MYO9A: variants seen among roughly 807,000 people sequenced by gnomAD.
MYO9A encodes the protein myosin IXA.
A neutral mutation model predicts 293.3 loss-of-function variants in MYO9A; 103 were observed. That is an observed-to-expected ratio of 0.35 (90% CI 0.30 to 0.41). The LOEUF (loss-of-function observed/expected upper bound fraction) is 0.41, where lower values mean the gene tolerates loss of function less well. Among genes scored for constraint, MYO9A ranks in the 10% least tolerant of loss-of-function variants. The pLI is 1.00. For missense variants in MYO9A, 2,685 were observed against 3,033.0 expected (o/e 0.89, Z 2.69); for synonymous variants, 1,001 against 1,035.7 (o/e 0.97, Z 0.64).
chr15:71,991,485 A>C (rs559046759), intron 10 of MYO9A, among the ~76,000 whole-genome samples: 1 of 152,210 alleles, frequency 6.6e-6, no homozygotes, highest in African/African-American at 2.4e-5. Context: ...AAATATGTGA[A>C]GCAAGGTTAG....
chr15:72,045,593 G>GGAACAGTAT, intron 2 of MYO9A, 131 bp downstream of exon 2: 1 of 1,061,312 alleles, frequency 9.4e-7, no homozygotes, highest in South Asian at 2.0e-5. Flanking sequence ...GCTGGGAGAT[G>GGAACAGTAT]GAACAGTATC....
At chr15:72,111,527 G>A (rs1478382356) in intron 1 of MYO9A, among the ~76,000 whole-genome samples, 7 of 151,390 alleles carry the variant, frequency 4.6e-5, no homozygotes, top group African/African-American at 7.3e-5. Flanking sequence ...GGAAATAGAC[G>A]TATTCAAGAG....
chr15:71,996,551 G>A (rs1157658074), intron 9 of MYO9A, among the ~76,000 whole-genome samples: 2 of 152,078 alleles, frequency 1.3e-5, no homozygotes, highest in African/African-American at 4.8e-5. Flanking sequence ...CTCATTTAGT[G>A]TTTCCTATGT....
chr15:71,936,322 G>A (rs1164097946), intron 16 of MYO9A, among the ~76,000 whole-genome samples: 1 of 152,130 alleles, frequency 6.6e-6, no homozygotes, highest in Non-Finnish European at 1.5e-5. Context: ...AAAAGGTAAT[G>A]AGGTGGAGGG....
At chr15:71,964,002 T>C (rs1263565978) in intron 13 of MYO9A, among the ~76,000 whole-genome samples, 3 of 152,208 alleles carry the variant, frequency 2.0e-5, no homozygotes, top group Admixed American at 6.5e-5. Flanking sequence ...TATTCTGGTG[T>C]TAGTTTTGGT....
At chr15:71,979,251 C>A (rs889784498) in intron 11 of MYO9A, among the ~76,000 whole-genome samples, 63 of 152,234 alleles carry the variant, frequency 4.1e-4, no homozygotes, top group African/African-American at 1.5e-3. Context: ...TAATTCTTTT[C>A]TTTTAATTAA....
At chr15:71,928,548 A>G (rs1237477800) in intron 18 of MYO9A, among the ~76,000 whole-genome samples, 2 of 152,076 alleles carry the variant, frequency 1.3e-5, no homozygotes, top group African/African-American at 4.8e-5. Flanking sequence ...AGATTTTAAC[A>G]ATATTAATTT....
chr15:72,055,485 TA>T (rs1365471812), intron 1 of MYO9A, among the ~76,000 whole-genome samples: 1 of 152,110 alleles, frequency 6.6e-6, no homozygotes, highest in Non-Finnish European at 1.5e-5. Flanking sequence ...GGGACTTAAT[TA>T]AAGAGCCTTT....
intron 2 of MYO9A, chr15:72,036,814 T>C: frequency 6.6e-6 from 1 of 152,114 alleles, no homozygotes; most frequent in Admixed American, 6.6e-5. Context: ...CTCCAGGACT[T>C]AAGCAATCCT....
intron 16 of MYO9A, among the ~76,000 whole-genome samples, chr15:71,938,106 TA>T (rs2058684589): frequency 6.6e-6 from 1 of 152,056 alleles, no homozygotes; most frequent in South Asian, 2.1e-4. Flanking sequence ...AAATAAGCAA[TA>T]AAGAGTCATG....
chr15:71,898,564 T>C lies in MYO9A; in HGVS notation c.3939A>G (p.Glu1313=). 6.2e-7 allele frequency: 1 copy of C among 1,614,114 alleles called. No homozygotes were observed. Among genetic ancestry groups the C allele is most frequent in the Non-Finnish European group, 8.5e-7 (1 of 1,180,032 alleles). The change falls in exon 25 of 42, where the codon GAA becomes GAG. Residue 1313 remains glutamate (E), a synonymous_variant. Coordinates refer to ENST00000356056, the MANE Select transcript of MYO9A (RefSeq NM_006901.4). Reference sequence around the variant, plus strand: ...GTGTACCCCGTGGAGACTGAAGGCCTTCAGGCACCAATTCTGTAGACCATC... The same window carrying C: ...GTGTACCCCGTGGAGACTGAAGGCCCTCAGGCACCAATTCTGTAGACCATC... ...DRRWSTELVP[E]GLQSPRGTPD...
chr15:71,935,216 G>A, intron 17 of MYO9A, 125 bp downstream of exon 17: 2 of 1,045,948 alleles, frequency 1.9e-6, no homozygotes, highest in Admixed American at 2.7e-5. Context: ...TCTTGTTTCA[G>A]TCAAAATTCT....
chr15:72,034,623 G>GT (rs2077985883), intron 2 of MYO9A, among the ~76,000 whole-genome samples: 1 of 152,140 alleles, frequency 6.6e-6, no homozygotes, highest in Non-Finnish European at 1.5e-5. Context: ...ACCATAGAAA[G>GT]TTTTTTACAA....
chr15:71,853,091 CTGAA>C (rs71131711), intron 35 of MYO9A, among the ~76,000 whole-genome samples: 38 of 151,486 alleles, frequency 2.5e-4, no homozygotes, highest in Admixed American at 1.3e-3. Context: ...AAGACTGTCT[CTGAA>C]TGAATGAATG....
chr15:71,848,544 G>A (rs1184371525), intron 39 of MYO9A, among the ~76,000 whole-genome samples: 2 of 151,962 alleles, frequency 1.3e-5, no homozygotes, highest in East Asian at 1.9e-4. Context: ...AGTTAGAAGA[G>A]GATTACGTTT....
chr15:71,975,578 CAG>C (rs1396681045), intron 12 of MYO9A, among the ~76,000 whole-genome samples: 1 of 152,110 alleles, frequency 6.6e-6, no homozygotes, highest in Non-Finnish European at 1.5e-5. Flanking sequence ...CCTCAGGAAA[CAG>C]AATCTTTCTC....
chr15:71,907,719 T>A (rs2057708445), intron 19 of MYO9A, among the ~76,000 whole-genome samples: 1 of 151,720 alleles, frequency 6.6e-6, no homozygotes, highest in Non-Finnish European at 1.5e-5. Flanking sequence ...TTTTCATGTG[T>A]TTTTTGGCTG....
At chr15:71,965,544 G>A (rs1217737410) in intron 13 of MYO9A, among the ~76,000 whole-genome samples, 11 of 152,074 alleles carry the variant, frequency 7.2e-5, no homozygotes, top group African/African-American at 1.4e-4. Flanking sequence ...TCAGATGTTC[G>A]AGACCAGCCT....
chr15:72,054,709 A>G (rs1596477270), intron 1 of MYO9A, among the ~76,000 whole-genome samples: 1 of 147,154 alleles, frequency 6.8e-6, no homozygotes, highest in African/African-American at 2.5e-5. Flanking sequence ...AAAAAGCAGG[A>G]GTATTGTGAG....
Sources: gnomAD v4.1 joint callset for allele counts (sites outside exome capture counted in the v4.1 genomes callset) on GRCh38, gnomAD v4.1.1 for gene constraint, MANE v1.5 for transcripts, NCBI Gene and HGNC (gene_info 2026-07-23, HGNC 2026-07-21) for gene names.